Variants in ERC2 observed in about 807,000 individuals in gnomAD.
ERC2 encodes ERC protein 2.
ERC2 carries 42 observed loss-of-function variants against 114.8 expected under a neutral mutation model. That is an observed-to-expected ratio of 0.37 (90% CI 0.29 to 0.47). The LOEUF (loss-of-function observed/expected upper bound fraction) is 0.47, where lower values mean the gene tolerates loss of function less well. ERC2 is among the 20% of genes least tolerant of loss of function. ERC2 has a pLI of 0.99. For synonymous variants in ERC2, 454 were observed against 425.5 expected, an observed-to-expected ratio of 1.07 and a Z score of -0.82; for missense variants, 939 against 1,150.7, an observed-to-expected ratio of 0.82 and a Z score of 2.66.
intron 6 of ERC2, among the ~76,000 whole-genome samples, chr3:56,129,371 A>C (rs1291219886): frequency 6.6e-6 from 1 of 152,226 alleles, no homozygotes; most frequent in Admixed American, 6.5e-5. Context: ...GGAAAGCATA[A>C]TCACAATGTA....
intron 15 of ERC2, among the ~76,000 whole-genome samples, chr3:55,713,965 G>A (rs1413941174): frequency 6.6e-6 from 1 of 152,182 alleles, no homozygotes; most frequent in Non-Finnish European, 1.5e-5. Context: ...AAACCAAAGT[G>A]ACGTTAGCAT....
intron 12 of ERC2, among the ~76,000 whole-genome samples, chr3:55,958,306 C>G (rs1018450667): frequency 2.0e-5 from 3 of 152,176 alleles, no homozygotes; most frequent in African/African-American, 7.2e-5. Flanking sequence ...GTCCCAACAT[C>G]TGTGTGAATC....
intron 3 of ERC2, among the ~76,000 whole-genome samples, chr3:56,249,145 G>A (rs1296323132): frequency 6.6e-6 from 1 of 152,200 alleles, no homozygotes; most frequent in Non-Finnish European, 1.5e-5. Flanking sequence ...ATTATCAGGA[G>A]AATTTCTTGC....
intron 17 of ERC2, among the ~76,000 whole-genome samples, chr3:55,527,876 A>T (rs1209638404): frequency 1.3e-5 from 2 of 152,244 alleles, no homozygotes; most frequent in African/African-American, 4.8e-5. Context: ...CTGTCTCTCA[A>T]TCTCTTCTAG....
intron 7 of ERC2, among the ~76,000 whole-genome samples, chr3:56,031,140 A>G (rs897162667): frequency 1.3e-5 from 2 of 152,222 alleles, no homozygotes; most frequent in Non-Finnish European, 1.5e-5. Context: ...CCCAGGCACC[A>G]GGCCTGCCCC....
intron 17 of ERC2, among the ~76,000 whole-genome samples, chr3:55,637,985 T>C (rs912685015): frequency 2.0e-5 from 3 of 152,190 alleles, no homozygotes; most frequent in Non-Finnish European, 4.4e-5. Context: ...AGCTAACAAA[T>C]GGCAAAAGCA....
chr3:56,226,251 C>G (rs1430624066), intron 3 of ERC2, among the ~76,000 whole-genome samples: 3 of 152,150 alleles, frequency 2.0e-5, no homozygotes, highest in Admixed American at 2.0e-4. Context: ...TGCAAGAAGA[C>G]TGCTTCTGTT....
At chr3:55,901,246 C>T (rs965291607) in intron 13 of ERC2, among the ~76,000 whole-genome samples, 6 of 152,164 alleles carry the variant, frequency 3.9e-5, no homozygotes, top group Non-Finnish European at 7.4e-5. Flanking sequence ...TATTCTATTT[C>T]AGTTTTCCAT....
chr3:55,708,995 A>G (rs896121762), intron 15 of ERC2, among the ~76,000 whole-genome samples: 1 of 152,226 alleles, frequency 6.6e-6, no homozygotes, highest in African/African-American at 2.4e-5. Context: ...AATTGTGCTG[A>G]CAAGTGAAGA....
intron 3 of ERC2, among the ~76,000 whole-genome samples, chr3:56,174,710 T>A (rs2082872737): frequency 6.6e-6 from 1 of 152,226 alleles, no homozygotes; most frequent in African/African-American, 2.4e-5. Context: ...TCAGGTGTGG[T>A]GGCTCACGCC....
At chr3:55,836,159 G>A (rs1289613389) in intron 14 of ERC2, among the ~76,000 whole-genome samples, 1 of 151,986 alleles carries the variant, frequency 6.6e-6, no homozygotes, top group Non-Finnish European at 1.5e-5. Context: ...AATCAATATC[G>A]TGAAAATGGC....
chr3:56,243,641 AAGG>A (rs573203375), intron 3 of ERC2, among the ~76,000 whole-genome samples: 37 of 152,312 alleles, frequency 2.4e-4, no homozygotes, highest in Admixed American at 4.6e-4. Flanking sequence ...AAGACCTGTG[AAGG>A]AGGTTTTTAA....
At chr3:55,549,549 T>C (rs2055005225) in intron 17 of ERC2, among the ~76,000 whole-genome samples, 1 of 149,370 alleles carries the variant, frequency 6.7e-6, no homozygotes, top group Admixed American at 6.7e-5. Context: ...GGCTCTGATA[T>C]CAATAAACTC....
At chr3:56,127,442 A>G (rs2149877519) in intron 6 of ERC2, among the ~76,000 whole-genome samples, 1 of 152,342 alleles carries the variant, frequency 6.6e-6, no homozygotes, top group Admixed American at 6.5e-5. Flanking sequence ...TAGTAAACAA[A>G]CCAGGCTGGC....
chr3:55,897,627 T>C (rs1448760877), intron 13 of ERC2, among the ~76,000 whole-genome samples: 2 of 152,192 alleles, frequency 1.3e-5, no homozygotes, highest in Non-Finnish European at 2.9e-5. Context: ...AAGGTCACCC[T>C]GAGATCAGAA....
intron 5 of ERC2, 63 bp downstream of exon 5, chr3:56,148,914 G>A: frequency 1.4e-6 from 2 of 1,451,426 alleles, no homozygotes; most frequent in Non-Finnish European, 1.9e-6. Context: ...GAAAAAGTAT[G>A]TATGTAAACT....
At chr3:56,020,685 C>T (rs2073646919) in intron 7 of ERC2, among the ~76,000 whole-genome samples, 1 of 152,158 alleles carries the variant, frequency 6.6e-6, no homozygotes, top group South Asian at 2.1e-4. Context: ...CATTTGTGTA[C>T]ACACATGTAC....
chr3:55,756,958 A>G (rs1049449697), intron 14 of ERC2, among the ~76,000 whole-genome samples: 6 of 152,166 alleles, frequency 3.9e-5, no homozygotes, highest in African/African-American at 7.2e-5. Flanking sequence ...ACGTTAAAAT[A>G]TGCTTCTACC....
In ERC2 at chr3:55,891,005, A is replaced by C. The variant is rs956941339; in HGVS notation, c.2404-2456T>G. 8.5e-5 allele frequency among the ~76,000 whole-genome samples: 13 copies of C among 152,222 alleles called. 1 individual carries two copies. Among genetic ancestry groups the C allele is most frequent in the African/African-American group, 2.7e-4 (11 of 41,456 alleles). ...GTGTTTAACATTCTAGAGAACTGAAAACTGTTTCCTTTGCTGCCAAAACAA... is the reference window on the plus strand; with the variant it reads ...GTGTTTAACATTCTAGAGAACTGAACACTGTTTCCTTTGCTGCCAAAACAA... On this transcript the variant is annotated intron_variant, in intron 13 of 17. Transcript: ENST00000288221.
Sources: gnomAD v4.1 joint callset for allele counts (sites outside exome capture counted in the v4.1 genomes callset) on GRCh38, gnomAD v4.1.1 for gene constraint, MANE v1.5 for transcripts, NCBI Gene and HGNC (gene_info 2026-07-23, HGNC 2026-07-21) for gene names.